Variants in CEP63 observed in about 807,000 individuals in gnomAD.
CEP63 encodes the protein centrosomal protein 63.
Under a neutral mutation model 89.1 loss-of-function variants are expected in CEP63, and 84 were observed. That is an observed-to-expected ratio of 0.94 (90% confidence interval 0.79 to 1.13). The LOEUF is 1.13. CEP63 is among the 50% of genes most tolerant of loss of function. The pLI is 0.00. For missense variants in CEP63, 838 were observed against 813.3 expected (o/e 1.03, Z -0.37); for synonymous variants, 267 against 272.5 (o/e 0.98, Z 0.20).
chr3:134,738,356 A>T, the CEP63 span, among the ~76,000 whole-genome samples: 1 of 151,858 alleles, frequency 6.6e-6, no homozygotes, highest in East Asian at 1.9e-4. Flanking sequence ...TGCAATCGTG[A>T]ATTGTGCTGG....
At chr3:134,686,608 C>T in the CEP63 span, among the ~76,000 whole-genome samples, 1 of 152,216 alleles carries the variant, frequency 6.6e-6, no homozygotes, top group Non-Finnish European at 1.5e-5. Context: ...TGACTCATCC[C>T]CAAGTCAGCT....
the CEP63 span, among the ~76,000 whole-genome samples, chr3:134,672,553 G>T: frequency 5.3e-5 from 8 of 152,244 alleles, no homozygotes; most frequent in African/African-American, 1.7e-4. Flanking sequence ...CTGAAAAAGG[G>T]GGAAAGGCAA....
At chr3:134,683,866 G>GT in the CEP63 span, among the ~76,000 whole-genome samples, 3 of 152,046 alleles carry the variant, frequency 2.0e-5, no homozygotes, top group African/African-American at 7.2e-5. Flanking sequence ...CATTGACTGG[G>GT]TTGGGGTCAC....
chr3:134,575,605 C>A (rs1958197978), downstream of CEP63, among the ~76,000 whole-genome samples: 1 of 128,898 alleles, frequency 7.8e-6, no homozygotes. Flanking sequence ...TTCTTCCTTT[C>A]TTTCCTTTTC....
intron 1 of CEP63, among the ~76,000 whole-genome samples, chr3:134,491,605 T>A (rs907074223): frequency 6.6e-6 from 1 of 152,226 alleles, no homozygotes; most frequent in African/African-American, 2.4e-5. Flanking sequence ...TTTGGACAAT[T>A]TTTTAAAAAC....
the CEP63 span, among the ~76,000 whole-genome samples, chr3:134,776,312 A>G: frequency 1.3e-5 from 2 of 152,248 alleles, no homozygotes; most frequent in African/African-American, 2.4e-5. Context: ...GGTAAGACAA[A>G]CAAGTGAAAT....
chr3:134,589,860 A>G (rs565759415), downstream of CEP63, among the ~76,000 whole-genome samples: 7 of 152,332 alleles, frequency 4.6e-5, no homozygotes, highest in South Asian at 1.0e-3. Context: ...ATACTCATCA[A>G]TGGTAGACTG....
chr3:134,779,419 C>T, the CEP63 span, among the ~76,000 whole-genome samples: 2 of 152,130 alleles, frequency 1.3e-5, no homozygotes, highest in Non-Finnish European at 2.9e-5. Context: ...GGATTGTGAG[C>T]CTATAAGCTT....
At chr3:134,573,589 T>G (rs1958103751) in intron 11 of CEP63, among the ~76,000 whole-genome samples, 1 of 152,204 alleles carries the variant, frequency 6.6e-6, no homozygotes, top group Non-Finnish European at 1.5e-5. Context: ...CTGAGTTTTC[T>G]ATTCTATTCC....
chr3:134,610,347 G>A, the CEP63 span: 1 of 1,613,668 alleles, frequency 6.2e-7, no homozygotes, highest in Non-Finnish European at 8.5e-7. Context: ...AACCCTTGGA[G>A]TAGCCAGGCA....
At chr3:134,779,368 A>G in the CEP63 span, among the ~76,000 whole-genome samples, 2 of 152,146 alleles carry the variant, frequency 1.3e-5, no homozygotes, top group African/African-American at 4.8e-5. Context: ...TCTATTTTAC[A>G]ATGATGGGCA....
At chr3:134,661,659 A>G in the CEP63 span, among the ~76,000 whole-genome samples, 16 of 152,290 alleles carry the variant, frequency 1.1e-4, no homozygotes, top group Non-Finnish European at 2.2e-4. Flanking sequence ...CTTTCTGGGA[A>G]GATATTATGA....
intron 10 of CEP63, 128 bp downstream of exon 10, chr3:134,549,304 A>G (rs1420604407): frequency 4.5e-6 from 3 of 663,036 alleles, no homozygotes; most frequent in Non-Finnish European, 8.3e-6. Context: ...GATATTTAGG[A>G]GTGGAAGAGT....
intron 14 of CEP63, 64 bp from the exon 15 acceptor site, chr3:134,561,313 C>CAGTG: frequency 7.0e-7 from 1 of 1,423,862 alleles, no homozygotes; most frequent in Non-Finnish European, 9.9e-7. Context: ...ATGTCATGAA[C>CAGTG]AGTGTATCTT....
chr3:134,721,521 A>G, the CEP63 span, among the ~76,000 whole-genome samples: 1 of 152,184 alleles, frequency 6.6e-6, no homozygotes, highest in African/African-American at 2.4e-5. Flanking sequence ...AAGTGATGAG[A>G]ACAGACATCC....
At chr3:134,641,882 A>G in the CEP63 span, among the ~76,000 whole-genome samples, 1 of 152,256 alleles carries the variant, frequency 6.6e-6, no homozygotes, top group South Asian at 2.1e-4. Context: ...CTTCTTCACT[A>G]AGTGAGGTAA....
the CEP63 span, among the ~76,000 whole-genome samples, chr3:134,639,020 T>G: frequency 6.6e-6 from 1 of 150,650 alleles, no homozygotes; most frequent in Middle Eastern, 3.4e-3. Flanking sequence ...GTTAACTTTT[T>G]CTATAACAGG....
chr3:134,761,214 C>T, the CEP63 span, among the ~76,000 whole-genome samples: 8,324 of 152,254 alleles, frequency 0.055, 427 homozygotes, highest in African/African-American at 0.12. Flanking sequence ...CTGCAAGCTT[C>T]CCTTGGCCAG....
At chr3:134,545,905 A>T in intron 7 of CEP63, 86 bp downstream of exon 7, 1 of 1,026,564 alleles carries the variant, frequency 9.7e-7, no homozygotes, top group Non-Finnish European at 1.4e-6. Flanking sequence ...AGGTTCTACA[A>T]TCCATACTTT....
Sources: allele counts gnomAD v4.1 joint callset (sites outside exome capture counted in the v4.1 genomes callset), GRCh38; gene constraint gnomAD v4.1.1; transcripts MANE v1.5; gene names NCBI Gene and HGNC (gene_info 2026-07-23, HGNC 2026-07-21).